Variants in KCNJ12 observed in about 807,000 individuals in gnomAD.
KCNJ12 encodes ATP-sensitive inward rectifier potassium channel 12.
In KCNJ12, 2 loss-of-function variants were observed where a neutral mutation model predicts 22.3. That is an observed-to-expected ratio of 0.09 (90% CI 0.04 to 0.28). The LOEUF is 0.28. Ranked by LOEUF, KCNJ12 falls within the 10% of genes least tolerant of loss-of-function variation. The pLI, the probability that KCNJ12 is intolerant of heterozygous loss-of-function variation, is 1.00. For missense variants in KCNJ12, 155 were observed against 633.3 expected (o/e 0.24, Z 8.11); for synonymous variants, 117 against 261.4 (o/e 0.45, Z 5.33).
chr17:21,411,285 C>G (rs1459329125), intron 2 of KCNJ12, among the ~76,000 whole-genome samples: 1 of 152,310 alleles, frequency 6.6e-6, no homozygotes, highest in East Asian at 1.9e-4. Context: ...TCTAAAAGCT[C>G]CCAGCCCAGG....
intron 1 of KCNJ12, among the ~76,000 whole-genome samples, chr17:21,404,850 C>G (rs56095290): frequency 0.36 from 53,502 of 148,128 alleles, 6,770 homozygotes; most frequent in Non-Finnish European, 0.48. Context: ...CTGTCGTCCA[C>G]TCTGTGGGGC....
intron 1 of KCNJ12, among the ~76,000 whole-genome samples, chr17:21,407,743 CCATCCATCCATT>C (rs1467794401): frequency 6.6e-6 from 1 of 152,228 alleles, no homozygotes; most frequent in African/African-American, 2.4e-5. Context: ...AACCATCCAT[CCATCCATCCATT>C]CATCCATCCA....
chr17:21,393,685 G>A (rs540787857), intron 1 of KCNJ12, among the ~76,000 whole-genome samples: 8 of 152,310 alleles, frequency 5.3e-5, no homozygotes, highest in South Asian at 4.1e-4. Flanking sequence ...CCAGGCGCTG[G>A]AATTGTCTCA....
At chr17:21,380,394 C>T (rs1033754991) in intron 1 of KCNJ12, among the ~76,000 whole-genome samples, 2 of 152,156 alleles carry the variant, frequency 1.3e-5, no homozygotes, top group Non-Finnish European at 2.9e-5. Flanking sequence ...ATGGGCATTG[C>T]ATACGGGGAG....
At chr17:21,379,437 C>T (rs1555557667) in intron 1 of KCNJ12, among the ~76,000 whole-genome samples, 1 of 152,178 alleles carries the variant, frequency 6.6e-6, no homozygotes, top group Non-Finnish European at 1.5e-5. Context: ...TGGGCTGGGC[C>T]CTTCCTCCAA....
At chr17:21,397,216 A>T (rs1415945757) in intron 1 of KCNJ12, among the ~76,000 whole-genome samples, 2 of 152,124 alleles carry the variant, frequency 1.3e-5, no homozygotes, top group Non-Finnish European at 2.9e-5. Context: ...TCCAATGGGG[A>T]TAATAGCAGA....
rs1904653016 is a variant in KCNJ12 at position 21,376,462 on chromosome 17, T to C, written c.-630T>C. ...CCTCCATTCCTCGCTCCCCGTCTTC[T>C]CCCGGCCACACCGCCACTGCTGCCG... On this transcript the variant is annotated 5_prime_UTR_variant, in exon 1 of 3. Coordinates refer to ENST00000583088, the MANE Select transcript of KCNJ12 (RefSeq NM_021012.5). The surrounding 1 kb of genome is among the most constrained non-coding windows in gnomAD (Gnocchi z 5.3). The C allele has an allele frequency of 6.6e-6, 1 of 151,718 alleles. No homozygotes were observed. Among genetic ancestry groups the C allele is most frequent in the Admixed American group, 6.6e-5 (1 of 15,248 alleles). 9.4% of individuals were successfully genotyped at this position (151,718 alleles called of 1,614,324 possible).
chr17:21,396,831 G>A (rs562453052), intron 1 of KCNJ12, among the ~76,000 whole-genome samples: 6 of 152,354 alleles, frequency 3.9e-5, no homozygotes, highest in African/African-American at 1.4e-4. Flanking sequence ...ATGGCCTCAG[G>A]TAGCCGTGGG....
intron 1 of KCNJ12, among the ~76,000 whole-genome samples, chr17:21,394,291 A>G (rs1434640724): frequency 2.0e-5 from 3 of 152,162 alleles, no homozygotes; most frequent in Admixed American, 6.5e-5. Flanking sequence ...AATGCTTACC[A>G]TTGTGTTTCA....
At chr17:21,396,478 T>G (rs563014639) in intron 1 of KCNJ12, among the ~76,000 whole-genome samples, 1 of 152,330 alleles carries the variant, frequency 6.6e-6, no homozygotes, top group East Asian at 1.9e-4. Flanking sequence ...TCCAAGGGGC[T>G]GTCAGTGCCC....
chr17:21,391,564 C>G lies in KCNJ12; in HGVS notation c.-179+14651C>G, dbSNP rs539115248. ...CTGAACCTGTGCTCTCTGGGAACAACTGCCTTGCGGCGCTCCGCCCAGCCC... is the reference window on the plus strand; with the variant it reads ...CTGAACCTGTGCTCTCTGGGAACAAGTGCCTTGCGGCGCTCCGCCCAGCCC... On this transcript the variant is annotated intron_variant, in intron 1 of 2. Coordinates refer to ENST00000583088, the MANE Select transcript of KCNJ12 (RefSeq NM_021012.5). Among the ~76,000 whole-genome samples, 8 of 152,376 alleles carry G rather than the reference C, an allele frequency of 5.3e-5. No homozygotes were observed. In the South Asian group the frequency reaches 1.4e-3, roughly 28 times the overall value.
intron 1 of KCNJ12, among the ~76,000 whole-genome samples, chr17:21,384,596 G>A (rs1253371738): frequency 2.0e-5 from 3 of 152,090 alleles, no homozygotes; most frequent in African/African-American, 7.2e-5. Flanking sequence ...CTGGAGCTCG[G>A]AGGGGAGGCG....
At chr17:21,396,334 G>A (rs577499393) in intron 1 of KCNJ12, among the ~76,000 whole-genome samples, 10 of 152,182 alleles carry the variant, frequency 6.6e-5, no homozygotes, top group African/African-American at 1.9e-4. Context: ...GGAAGTCACC[G>A]AGCCAGCTCG....
intron 2 of KCNJ12, among the ~76,000 whole-genome samples, chr17:21,411,933 C>A (rs1268444490): frequency 1.3e-5 from 2 of 152,308 alleles, no homozygotes; most frequent in Non-Finnish European, 2.9e-5. Context: ...ATGCCAGGGT[C>A]CCCTTCTGGG....
At chr17:21,400,689 C>T (rs1487308927) in intron 1 of KCNJ12, among the ~76,000 whole-genome samples, 14 of 152,302 alleles carry the variant, frequency 9.2e-5, no homozygotes, top group African/African-American at 9.6e-5. Flanking sequence ...TCTGATCCAG[C>T]GTGCTGAGCT....
At position 21,415,888 on chromosome 17, in the gene KCNJ12, C is replaced by G. The variant is rs782032712; in HGVS notation, c.546C>G (p.Ala182=). 1 of 1,610,116 alleles carries G rather than the reference C, an allele frequency of 6.2e-7. No individual in the cohort carries two copies. Among genetic ancestry groups the G allele is most frequent in the Non-Finnish European group, 8.5e-7 (1 of 1,177,866 alleles). Reference sequence around the variant, plus strand: ...CCTTCATGATTGGTGCCATCATGGCCAAGATGGCAAGGCCCAAGAAGCGGG... The same window carrying G: ...CCTTCATGATTGGTGCCATCATGGCGAAGATGGCAAGGCCCAAGAAGCGGG... ...IDSFMIGAIM[A]KMARPKKRAQ... The change falls in exon 3 of 3, where the codon GCC becomes GCG. Residue 182 remains alanine (A), a synonymous_variant. Coordinates refer to ENST00000583088, the MANE Select transcript of KCNJ12 (RefSeq NM_021012.5).
intron 1 of KCNJ12, among the ~76,000 whole-genome samples, chr17:21,379,307 G>A (rs1208794050): frequency 5.3e-5 from 8 of 152,228 alleles, no homozygotes; most frequent in African/African-American, 1.9e-4. Flanking sequence ...GCGGAAGTGA[G>A]TGCATCATTA....
intron 1 of KCNJ12, among the ~76,000 whole-genome samples, chr17:21,406,036 G>A (rs1189796949): frequency 1.3e-5 from 2 of 152,274 alleles, no homozygotes; most frequent in Non-Finnish European, 2.9e-5. Flanking sequence ...CTGCAAGCCA[G>A]GTGACCAGCA....
intron 1 of KCNJ12, among the ~76,000 whole-genome samples, chr17:21,403,033 T>C (rs1400106434): frequency 6.6e-6 from 1 of 152,308 alleles, no homozygotes; most frequent in Admixed American, 6.5e-5. Context: ...AGCCAAGTAC[T>C]GGGTCCTAGG....
Sources: gnomAD v4.1 joint callset for allele counts (sites outside exome capture counted in the v4.1 genomes callset) on GRCh38, gnomAD v4.1.1 for gene constraint, Gnocchi (gnomAD v3.1) non-coding constraint, MANE v1.5 for transcripts, NCBI Gene and HGNC (gene_info 2026-07-23, HGNC 2026-07-21) for gene names.